SMG1: variants seen among roughly 807,000 people sequenced by gnomAD.
SMG1 encodes the protein SMG1 nonsense mediated mRNA decay associated PI3K related kinase.
A neutral mutation model predicts 419.9 loss-of-function variants in SMG1; 22 were observed. The observed-to-expected ratio is 0.05, with a 90% CI of 0.04 to 0.07. The LOEUF (loss-of-function observed/expected upper bound fraction) is 0.07. SMG1 is among the 10% of genes least tolerant of loss of function. SMG1 has a pLI of 1.00. For missense variants in SMG1, 3,185 were observed against 4,342.0 expected (o/e 0.73, Z 7.49); for synonymous variants, 1,538 against 1,553.5 (o/e 0.99, Z 0.23).
intron 62 of SMG1, 67 bp downstream of exon 62, chr16:18,811,694 G>A (rs916765878): frequency 1.6e-6 from 2 of 1,278,960 alleles, no homozygotes; most frequent in South Asian, 1.2e-5. Flanking sequence ...CGATGAGAGG[G>A]ATCTTTATAC....
At chr16:18,854,603 A>T in intron 30 of SMG1, 53 bp downstream of exon 30, 1 of 1,492,588 alleles carries the variant, frequency 6.7e-7, no homozygotes, top group Non-Finnish European at 9.1e-7. Flanking sequence ...AGTAACATTC[A>T]TATACATGAT....
At position 18,872,310 on chromosome 16, in the gene SMG1, G is replaced by A. The variant is rs984133085; in HGVS notation, c.2057C>T (p.Ser686Phe). The change falls in exon 15 of 63, where the codon TCC becomes TTC. Residue 686 changes from serine (S) to phenylalanine (F), a missense_variant. Ser to Phe is a radical substitution (Grantham distance 155). Around this residue, in one of 27 missense-constraint regions of SMG1, gnomAD observed 297 missense variants for 491.0 expected, o/e 0.60. Transcript: ENST00000446231. ...DHFISSSLSSSSPSLFDGAVI... is the reference protein window; with the variant it reads ...DHFISSSLSSFSPSLFDGAVI... ...AGCTCCATCAAACAAAGAAGGAGAG[G>A]AAGAACTGAGGCTACTAGAGATAAA... is the stretch of plus-strand genomic sequence containing the variant. 6.3e-7 allele frequency: 1 copy of A among 1,594,548 alleles called. No homozygotes were observed. Among genetic ancestry groups the A allele is most frequent in the African/African-American group, 1.3e-5 (1 of 74,100 alleles).
rs762614818 is a variant in SMG1, at chr16:18,828,019, G to A, written c.9741+12C>T. The A allele has an allele frequency of 1.2e-6, 2 of 1,607,854 alleles. No individual in the cohort carries two copies. The highest frequency in any genetic ancestry group is 2.2e-5 in the South Asian group (2 of 90,110). ...AGAAAATGCCCTGGAAGGAAGATCTGGCAAAACACACCTGAACTGTTGCAA... is the reference window on the plus strand; with the variant it reads ...AGAAAATGCCCTGGAAGGAAGATCTAGCAAAACACACCTGAACTGTTGCAA... On this transcript the variant is annotated intron_variant, in intron 55 of 62. Coordinates refer to ENST00000446231, the MANE Select transcript of SMG1 (RefSeq NM_015092.5).
At chr16:18,811,687 T>G in intron 62 of SMG1, 74 bp downstream of exon 62, 1 of 1,239,034 alleles carries the variant, frequency 8.1e-7, no homozygotes, top group East Asian at 2.3e-5. Context: ...AGGAAATCGA[T>G]GAGAGGGATC....
At position 18,842,190 on chromosome 16, in the gene SMG1, G is replaced by C; in HGVS notation, c.6466+18C>G. ...GACTAATACTCTTCTGAAAAATGGAGGAAGTCTTAAATCCTACCTTTGAAA... is the reference window on the plus strand; with the variant it reads ...GACTAATACTCTTCTGAAAAATGGACGAAGTCTTAAATCCTACCTTTGAAA... On this transcript the variant is annotated intron_variant, in intron 40 of 62. Coordinates refer to ENST00000446231, the MANE Select transcript of SMG1 (RefSeq NM_015092.5). The C allele has an allele frequency of 6.2e-7, 1 of 1,601,626 alleles. No homozygotes were observed. The highest frequency in any genetic ancestry group is 1.1e-5 in the South Asian group (1 of 89,522).
rs757857570 is a variant in SMG1 at position 18,841,736 on chromosome 16, G to A, written c.6525C>T (p.Thr2175=). ...CTTGGCGATTAATTGTAGCAAACATGGTATTCACAATAGATAGGAACTGCA... is the reference window on the plus strand; with the variant it reads ...CTTGGCGATTAATTGTAGCAAACATAGTATTCACAATAGATAGGAACTGCA... ...RIMQFLSIVN[T]MFATINRQET... The change falls in exon 41 of 63, where the codon ACC becomes ACT. Residue 2175 remains threonine, a synonymous_variant. Coordinates refer to ENST00000446231, the MANE Select transcript of SMG1 (RefSeq NM_015092.5). The A allele has an allele frequency of 1.2e-6, 2 of 1,613,878 alleles. No individual in the cohort carries two copies. Among genetic ancestry groups the A allele is most frequent in the Non-Finnish European group, 1.7e-6 (2 of 1,179,864 alleles).
chr16:18,837,514 C>T, intron 45 of SMG1, 71 bp from the exon 46 acceptor site: 1 of 1,291,022 alleles, frequency 7.7e-7, no homozygotes, highest in South Asian at 1.4e-5. Context: ...GTCAGAAGAA[C>T]ATTTTGCACA....
intron 1 of SMG1, among the ~76,000 whole-genome samples, chr16:18,913,370 C>T (rs1195141405): frequency 6.6e-6 from 1 of 151,980 alleles, no homozygotes; most frequent in Non-Finnish European, 1.5e-5. Context: ...AAATTTCAAA[C>T]ACACGTATCA....
chr16:18,920,238 C>A (rs1259550131), intron 1 of SMG1, among the ~76,000 whole-genome samples: 2 of 151,742 alleles, frequency 1.3e-5, no homozygotes, highest in Non-Finnish European at 2.9e-5. Context: ...AAAAGTTAGC[C>A]GGGTGTGGTG....
intron 36 of SMG1, among the ~76,000 whole-genome samples, chr16:18,848,797 G>A (rs1010870971): frequency 6.6e-6 from 1 of 151,808 alleles, no homozygotes; most frequent in Non-Finnish European, 1.5e-5. Flanking sequence ...CTACAGCCGG[G>A]CACGGTGGCT....
Position 18,814,897 on chromosome 16 carries a change from T to A in SMG1, c.10621+278A>T, listed in dbSNP as rs577231475. Among the ~76,000 whole-genome samples the A allele has an allele frequency of 1.1e-3, 149 of 135,864 alleles. 1 individual carries two copies. In the South Asian group the frequency reaches 0.015, roughly 14 times the overall value. 89.1% of individuals were successfully genotyped at this position (135,864 alleles called of 152,430 possible). On this transcript the variant is annotated intron_variant, in intron 60 of 62. Transcript: ENST00000446231. ...CCGGCCTTTTTTTTTTTTTTTTTTT[T>A]AATAGCTGTTTATTTATTTATTTTT...
rs2141206417 is a variant in SMG1 at position 18,829,672 on chromosome 16, A to G, written c.9217T>C (p.Phe3073Leu). The change falls in exon 54 of 63, where the codon TTC becomes CTC. Residue 3073 changes from phenylalanine to leucine, a missense_variant. Phe to Leu is a conservative substitution (Grantham distance 22). Coordinates refer to ENST00000446231, the MANE Select transcript of SMG1 (RefSeq NM_015092.5). The part of the protein sequence containing the change: ...NVKTLFRNSC[F>L]SEDQMAKPIK... ...GGTTTGGCCATTTGGTCTTCACTGA[A>G]ACAAGAGTTTCTAAAAAGGGTTTTC... The G allele has an allele frequency of 6.2e-7, 1 of 1,614,034 alleles. No homozygotes were observed. The highest frequency in any genetic ancestry group is 8.5e-7 in the Non-Finnish European group (1 of 1,179,892).
rs549475117 is a variant in SMG1 at position 18,926,274 on chromosome 16, G to A, written c.-233C>T. ...CAGGACGAGGAGGCGGGAGCGGCGC[G>A]GTGAGAGAGAGGCGGATGAAGGGGA... On this transcript the variant is annotated 5_prime_UTR_variant, in exon 1 of 63. Transcript: ENST00000446231. 26 of 526,828 alleles carry A rather than the reference G, an allele frequency of 4.9e-5. 1 individual carries two copies. The Admixed American group carries it at 6.3e-4, about 13-fold the overall frequency. The allele number at this position is 526,828 out of a possible 1,614,324, so 32.6% of individuals were successfully genotyped here. A position where few individuals can be genotyped will look rare whatever the true frequency, so the allele number is the denominator to read the frequency against.
Position 18,926,175 on chromosome 16 carries a change from AGG to A in SMG1, c.-136_-135del. The A allele has an allele frequency of 4.2e-6, 3 of 722,156 alleles. No homozygotes were observed. Among genetic ancestry groups the A allele is most frequent in the Middle Eastern group, 4.0e-4 (1 of 2,492 alleles). 44.7% of individuals were successfully genotyped at this position (722,156 alleles called of 1,614,324 possible). A position where few individuals can be genotyped will look rare whatever the true frequency, so the allele number is the denominator to read the frequency against. The stretch of plus-strand genomic sequence containing the variant: ...GCCGAGAAGGAGGAGGAGGAGGAGG[AGG>A]AGGAGAAGGAGGAGGCGGCGGAGGG... On this transcript the variant is annotated 5_prime_UTR_variant, in exon 1 of 63. Transcript: ENST00000446231.
intron 7 of SMG1, 172 bp downstream of exon 7, chr16:18,885,369 T>G: frequency 1.2e-6 from 1 of 838,592 alleles, no homozygotes; most frequent in South Asian, 1.5e-5. Context: ...CTTCAAATAT[T>G]TTAAGGTATG....
At chr16:18,809,751 C>T in intron 62 of SMG1, 105 bp from the exon 63 acceptor site, 1 of 791,796 alleles carries the variant, frequency 1.3e-6, no homozygotes, top group South Asian at 1.5e-5. Context: ...GTGCAAAGGA[C>T]TCTATACTTA....
At chr16:18,849,069 C>CAAAAAAAAAAAAAAAAAAAA (rs58373081) in intron 36 of SMG1, 148 bp downstream of exon 36, 1 of 110,718 alleles carries the variant, frequency 9.0e-6, no homozygotes, top group African/African-American at 7.6e-5. Flanking sequence ...GACTCCATCT[C>CAAAAAAAAAAAAAAAAAAAA]AAAAAAAAAA....
Position 18,828,772 on chromosome 16 carries a change from G to C in SMG1, c.9603+514C>G, listed in dbSNP as rs548318498. Among the ~76,000 whole-genome samples the C allele has an allele frequency of 3.3e-3, 505 of 152,342 alleles. 4 individuals carry two copies. Among genetic ancestry groups the C allele is most frequent in the African/African-American group, 0.012 (482 of 41,576 alleles). On this transcript the variant is annotated intron_variant, in intron 54 of 62. Transcript: ENST00000446231. The stretch of plus-strand genomic sequence containing the variant: ...CCAGCACTTTGGGAGGCCAAGGCGG[G>C]TGGATCACCTAGGCTCGGGAGTTCG...
rs774281128 is a variant in SMG1 at position 18,876,156 on chromosome 16, T to A, written c.1858A>T (p.Thr620Ser). ...AGTGAGTTTTTGGCATTTCCAATTGTAGTCAGGGCACTGAGGTCAAATATA... is the reference window on the plus strand; with the variant it reads ...AGTGAGTTTTTGGCATTTCCAATTGAAGTCAGGGCACTGAGGTCAAATATA... The part of the protein sequence containing the change: ...VVIFDLSALT[T>S]IGNAKNSLIG... Residue 620 changes from threonine (T) to serine (S), a missense_variant, in exon 13 of 63, where the codon ACA becomes TCA. Physicochemically the swap from Thr to Ser is moderately conservative, Grantham distance 58. This residue lies in a region of SMG1 where 297 missense variants were observed against 491.0 expected (regional missense o/e 0.60). Coordinates refer to ENST00000446231, the MANE Select transcript of SMG1 (RefSeq NM_015092.5). The A allele has an allele frequency of 1.4e-5, 23 of 1,611,830 alleles. No individual in the cohort carries two copies. In the East Asian group the frequency reaches 4.7e-4, roughly 33 times the overall value.
Sources: gnomAD v4.1 joint callset for allele counts (sites outside exome capture counted in the v4.1 genomes callset) on GRCh38, gnomAD v4.1.1 for gene constraint, gnomAD v4.1.1 regional missense constraint, MANE v1.5 for transcripts, NCBI Gene and HGNC (gene_info 2026-07-23, HGNC 2026-07-21) for gene names.